The following WDHD1 variants were observed in gnomAD, a reference collection of about 807,000 sequenced individuals.
WDHD1 encodes the protein WD repeat and HMG-box DNA-binding protein 1.
In WDHD1, 111 loss-of-function variants were observed where a neutral mutation model predicts 135.4. The observed-to-expected ratio is 0.82, with a 90% confidence interval of 0.70 to 0.96. The LOEUF is 0.96. Ranked by LOEUF, WDHD1 falls within the 40% of genes least tolerant of loss-of-function variation. WDHD1 has a pLI of 0.00. For synonymous variants in WDHD1, 434 were observed against 439.0 expected (o/e 0.99, Z 0.14); for missense variants, 1,351 against 1,336.3 (o/e 1.01, Z -0.17).
At chr14:54,984,370 C>T (rs746431321) in intron 15 of WDHD1, among the ~76,000 whole-genome samples, 7 of 152,268 alleles carry the variant, frequency 4.6e-5, no homozygotes, top group Non-Finnish European at 1.0e-4. Flanking sequence ...TGGCACATGC[C>T]TGTAGTCCCA....
Position 55,027,022 on chromosome 14 carries a change from A to T in WDHD1, c.-17+6T>A. ...GTGGACGCGGGCAGCCGGAGTGGGG[A>T]CTCACCCGGGTGACCGAGCCTCCGC... On this transcript the variant is annotated splice_donor_region_variant and intron_variant, in intron 1 of 25. Coordinates refer to ENST00000360586, the MANE Select transcript of WDHD1 (RefSeq NM_007086.4). 1.9e-6 allele frequency: 1 copy of T among 524,970 alleles called. No homozygotes were observed. The highest frequency in any genetic ancestry group is 3.4e-6 in the Non-Finnish European group (1 of 291,138). The allele number at this position is 524,970 out of a possible 1,614,324, so 32.5% of individuals were successfully genotyped here. A position where few individuals can be genotyped will look rare whatever the true frequency, so the allele number is the denominator to read the frequency against.
At chr14:54,987,426 TATG>T in intron 13 of WDHD1, 39 bp from the exon 14 acceptor site, 1 of 1,551,760 alleles carries the variant, frequency 6.4e-7, no homozygotes, top group Non-Finnish European at 8.8e-7. Flanking sequence ...CAAACTTTCA[TATG>T]ATATTTACAT....
chr14:55,015,482 A>C (rs560330905), intron 2 of WDHD1, among the ~76,000 whole-genome samples: 2 of 151,844 alleles, frequency 1.3e-5, no homozygotes, highest in South Asian at 4.2e-4. Flanking sequence ...CATAACACAC[A>C]TAACACATGG....
rs572798266 is a variant in WDHD1, at chr14:54,955,411, C to T, written c.3050+150G>A. 2.8e-3 allele frequency: 1,566 copies of T among 559,648 alleles called. 5 individuals carry two copies. Among genetic ancestry groups the T allele is most frequent in the Non-Finnish European group, 3.7e-3 (1,396 of 376,810 alleles). 34.7% of individuals were successfully genotyped at this position (559,648 alleles called of 1,614,324 possible). A position where few individuals can be genotyped will look rare whatever the true frequency, so the allele number is the denominator to read the frequency against. On this transcript the variant is annotated intron_variant, in intron 24 of 25. Coordinates refer to ENST00000360586, the MANE Select transcript of WDHD1 (RefSeq NM_007086.4). ...TATAAATAGACATTAATATTTGTGG[C>T]TTCCTTATAGTCACAAGTGTCCAGA...
At chr14:54,985,236 G>T (rs2041677921) in intron 14 of WDHD1, among the ~76,000 whole-genome samples, 1 of 152,138 alleles carries the variant, frequency 6.6e-6, no homozygotes, top group South Asian at 2.1e-4. Flanking sequence ...TTATCACAAA[G>T]TTAAAATAAT....
At position 55,010,306 on chromosome 14, in the gene WDHD1, T is replaced by A; in HGVS notation, c.341+3A>T. On this transcript the variant is annotated splice_donor_region_variant and intron_variant, in intron 4 of 25. Transcript: ENST00000360586. ...TTCCTTTTCTGATGTCAAAGAGCCT[T>A]ACCTAGATCCAGCAGCAATTTTAGT... is the stretch of plus-strand genomic sequence containing the variant. The A allele has an allele frequency of 6.3e-7, 1 of 1,595,452 alleles. No individual in the cohort carries two copies. The highest frequency in any genetic ancestry group is 8.5e-7 in the Non-Finnish European group (1 of 1,173,036).
chr14:54,973,546 G>C (rs2041474640), intron 16 of WDHD1, among the ~76,000 whole-genome samples: 1 of 152,040 alleles, frequency 6.6e-6, no homozygotes, highest in South Asian at 2.1e-4. Context: ...TCACCACACA[G>C]TATGAGGTGG....
Position 55,008,696 on chromosome 14 carries a change from T to C in WDHD1, c.365A>G (p.Asp122Gly), listed in dbSNP as rs1478161644. 1 of 1,611,882 alleles carries C rather than the reference T, an allele frequency of 6.2e-7. No homozygotes were observed. Among genetic ancestry groups the C allele is most frequent in the Non-Finnish European group, 8.5e-7 (1 of 1,179,460 alleles). Reference protein sequence around the residue: ...GSSDFLVKIVDVMDSSQQKTF... With the variant: ...GSSDFLVKIVGVMDSSQQKTF... ...TTTCTGTTGGCTGCTATCCATCACA[T>C]CCACAATTTTGACTAGAAAATCACT... The change falls in exon 5 of 26, where the codon GAT (aspartate) becomes GGT (glycine). Residue 122 changes from aspartate to glycine, a missense_variant. Physicochemically the swap from Asp to Gly is moderately conservative, Grantham distance 94. Around this residue, in one of 2 missense-constraint regions of WDHD1, gnomAD observed 1,330 missense variants for 1,296.1 expected, o/e 1.03. Transcript: ENST00000360586.
chr14:55,017,975 C>T (rs1052099531), intron 2 of WDHD1, among the ~76,000 whole-genome samples: 61 of 151,978 alleles, frequency 4.0e-4, no homozygotes, highest in African/African-American at 1.4e-3. Flanking sequence ...ACTACTAGAC[C>T]TCCTGGCCTC....
chr14:54,944,570 T>C, intron 24 of WDHD1, 100 bp from the exon 25 acceptor site: 1 of 1,168,302 alleles, frequency 8.6e-7, no homozygotes, highest in Non-Finnish European at 1.2e-6. Context: ...CTGACATCTA[T>C]TATATAAAGT....
intron 18 of WDHD1, among the ~76,000 whole-genome samples, chr14:54,965,933 G>A (rs2041333076): frequency 6.7e-6 from 1 of 148,486 alleles, no homozygotes; most frequent in South Asian, 2.1e-4. Context: ...TTCAGCCTGA[G>A]AAACAAGAGC....
intron 17 of WDHD1, 126 bp from the exon 18 acceptor site, chr14:54,966,732 T>A: frequency 9.1e-7 from 1 of 1,100,580 alleles, no homozygotes. Context: ...TCTATAAGTT[T>A]ATTTTACAAT....
intron 3 of WDHD1, among the ~76,000 whole-genome samples, chr14:55,012,929 C>T (rs2042194644): frequency 6.6e-6 from 1 of 152,044 alleles, no homozygotes; most frequent in Non-Finnish European, 1.5e-5. Context: ...CAAATCATAG[C>T]AGTGAGCTAA....
At chr14:54,983,328 A>T (rs1195083870) in intron 15 of WDHD1, among the ~76,000 whole-genome samples, 1 of 148,518 alleles carries the variant, frequency 6.7e-6, no homozygotes, top group Non-Finnish European at 1.5e-5. Flanking sequence ...GTGCCACATT[A>T]AAAAAAAAAT....
At chr14:54,987,500 ATAC>A (rs1242110324) in intron 13 of WDHD1, 113 bp from the exon 14 acceptor site, 2 of 878,536 alleles carry the variant, frequency 2.3e-6, no homozygotes, top group Admixed American at 6.5e-5. Flanking sequence ...ACTTCCTATT[ATAC>A]ACTAGTATAA....
At chr14:55,014,768 A>T (rs2042232765) in intron 2 of WDHD1, among the ~76,000 whole-genome samples, 1 of 152,196 alleles carries the variant, frequency 6.6e-6, no homozygotes, top group African/African-American at 2.4e-5. Context: ...AGAGCTGTGG[A>T]TGTTCAAAAG....
intron 16 of WDHD1, among the ~76,000 whole-genome samples, chr14:54,978,414 C>A (rs56335168): frequency 0.28 from 42,671 of 151,786 alleles, 6,075 homozygotes; most frequent in Non-Finnish European, 0.3. Flanking sequence ...GAGACCCCAT[C>A]TTTACAAAAT....
At chr14:54,945,449 G>A (rs1406143071) in intron 24 of WDHD1, among the ~76,000 whole-genome samples, 2 of 152,138 alleles carry the variant, frequency 1.3e-5, no homozygotes, top group Non-Finnish European at 2.9e-5. Context: ...AGTGAGAAAA[G>A]GGAGGCTCAG....
chr14:55,004,309 G>A (rs1457538553), intron 7 of WDHD1, among the ~76,000 whole-genome samples: 1 of 151,968 alleles, frequency 6.6e-6, no homozygotes, highest in African/African-American at 2.4e-5. Flanking sequence ...TCTTTAACAG[G>A]TATGTGTCTA....
Sources: gnomAD v4.1 joint callset for allele counts (sites outside exome capture counted in the v4.1 genomes callset) on GRCh38, gnomAD v4.1.1 for gene constraint, gnomAD v4.1.1 regional missense constraint, MANE v1.5 for transcripts, NCBI Gene and HGNC (gene_info 2026-07-23, HGNC 2026-07-21) for gene names.